KCNQ3: variants seen among roughly 807,000 people sequenced by gnomAD.
KCNQ3 encodes the protein potassium voltage-gated channel subfamily KQT member 3.
KCNQ3 carries 30 observed loss-of-function variants against 92.5 expected under a neutral mutation model. The observed-to-expected ratio is 0.32, with a 90% CI of 0.24 to 0.44. The LOEUF (loss-of-function observed/expected upper bound fraction) is 0.44. Among genes scored for constraint, KCNQ3 ranks in the 20% least tolerant of loss-of-function variants. KCNQ3 has a pLI of 1.00. For synonymous variants in KCNQ3, 450 were observed against 468.8 expected (o/e 0.96, Z 0.52); for missense variants, 913 against 1,140.3 (o/e 0.80, Z 2.87).
At chr8:132,295,834 G>A (rs539607020) in intron 1 of KCNQ3, among the ~76,000 whole-genome samples, 3 of 152,252 alleles carry the variant, frequency 2.0e-5, no homozygotes, top group African/African-American at 7.2e-5. Flanking sequence ...GCTGAACAGT[G>A]AGAACACATG....
At chr8:132,462,121 C>T (rs1251974868) in intron 1 of KCNQ3, among the ~76,000 whole-genome samples, 1 of 152,134 alleles carries the variant, frequency 6.6e-6, no homozygotes, top group Non-Finnish European at 1.5e-5. Context: ...TAAAAATCAA[C>T]GAGTTATTAC....
chr8:132,191,400 C>G (rs2130217435), intron 1 of KCNQ3, among the ~76,000 whole-genome samples: 1 of 152,038 alleles, frequency 6.6e-6, no homozygotes, highest in South Asian at 2.1e-4. Context: ...TCAAAAGATC[C>G]TCCTTCTTTA....
At chr8:132,158,543 C>T (rs1232967381) in intron 9 of KCNQ3, among the ~76,000 whole-genome samples, 1 of 152,144 alleles carries the variant, frequency 6.6e-6, no homozygotes, top group Non-Finnish European at 1.5e-5. Flanking sequence ...GGGACACCTG[C>T]TGTGACTGAC....
At chr8:132,395,307 T>A (rs1368172885) in intron 1 of KCNQ3, among the ~76,000 whole-genome samples, 1 of 152,216 alleles carries the variant, frequency 6.6e-6, no homozygotes, top group Admixed American at 6.5e-5. Context: ...TGAAATTACA[T>A]CATATTGTTA....
At chr8:132,260,525 A>G (rs1208250869) in intron 1 of KCNQ3, among the ~76,000 whole-genome samples, 5 of 152,198 alleles carry the variant, frequency 3.3e-5, no homozygotes, top group African/African-American at 7.2e-5. Context: ...GTAGAGAACA[A>G]TTAGGCTAGA....
In KCNQ3 at chr8:132,465,577, A is replaced by T. The variant is rs80127769; in HGVS notation, c.386+14570T>A. On this transcript the variant is annotated intron_variant, in intron 1 of 14. Coordinates refer to ENST00000388996, the MANE Select transcript of KCNQ3 (RefSeq NM_004519.4). ...ACTCCATCTCTACTAAAAATACAAA[A>T]AATAATAATAATAATAATTAGCCAG... Among the ~76,000 whole-genome samples the T allele has an allele frequency of 8.9e-3, 1,358 of 151,978 alleles. 10 individuals are homozygous for T. The highest frequency in any genetic ancestry group is 0.015 in the Admixed American group (222 of 15,268).
At chr8:132,251,255 A>G in intron 1 of KCNQ3, among the ~76,000 whole-genome samples, 1 of 152,086 alleles carries the variant, frequency 6.6e-6, no homozygotes, top group East Asian at 1.9e-4. Flanking sequence ...TGACAGAGTG[A>G]GACTCTGAAG....
chr8:132,463,860 C>G (rs1210203430), intron 1 of KCNQ3, among the ~76,000 whole-genome samples: 2 of 152,092 alleles, frequency 1.3e-5, no homozygotes, highest in Admixed American at 1.3e-4. Flanking sequence ...ACGCCCAGGC[C>G]GGAGTGCAAT....
At chr8:132,405,522 G>A (rs1013739318) in intron 1 of KCNQ3, among the ~76,000 whole-genome samples, 3 of 152,146 alleles carry the variant, frequency 2.0e-5, no homozygotes, top group African/African-American at 7.2e-5. Flanking sequence ...CTGGGTTGAC[G>A]GGTGAGTACT....
At chr8:132,188,661 T>C (rs1207253139) in intron 1 of KCNQ3, among the ~76,000 whole-genome samples, 1 of 152,226 alleles carries the variant, frequency 6.6e-6, no homozygotes. Flanking sequence ...GGTGCCTCTT[T>C]TGTCCCAGAC....
chr8:132,150,034 C>G (rs1359729782), intron 9 of KCNQ3, among the ~76,000 whole-genome samples: 2 of 151,790 alleles, frequency 1.3e-5, no homozygotes. Context: ...ATTTAACCTC[C>G]TTTTCTCTAC....
intron 1 of KCNQ3, among the ~76,000 whole-genome samples, chr8:132,350,341 G>A (rs1206223352): frequency 1.3e-5 from 2 of 152,106 alleles, no homozygotes; most frequent in Non-Finnish European, 2.9e-5. Context: ...GCTCTAACTC[G>A]CCCTAGCTGG....
intron 1 of KCNQ3, among the ~76,000 whole-genome samples, chr8:132,346,706 A>T (rs955363968): frequency 1.3e-5 from 2 of 152,216 alleles, no homozygotes; most frequent in African/African-American, 4.8e-5. Flanking sequence ...GCTGGAAGGT[A>T]AACTGGTACC....
intron 1 of KCNQ3, among the ~76,000 whole-genome samples, chr8:132,448,557 A>C: frequency 6.6e-6 from 1 of 152,066 alleles, no homozygotes; most frequent in East Asian, 1.9e-4. Flanking sequence ...AAAAAGTAAA[A>C]AGGAGGAGGA....
At chr8:132,309,132 C>G (rs888494132) in intron 1 of KCNQ3, among the ~76,000 whole-genome samples, 1 of 152,112 alleles carries the variant, frequency 6.6e-6, no homozygotes, top group Non-Finnish European at 1.5e-5. Context: ...GACTTCTGAC[C>G]TGTATCTTTC....
chr8:132,316,378 C>T (rs1047332159), intron 1 of KCNQ3, among the ~76,000 whole-genome samples: 1 of 152,204 alleles, frequency 6.6e-6, no homozygotes, highest in Non-Finnish European at 1.5e-5. Context: ...TCCCTAAAGC[C>T]AGATAGACCC....
At chr8:132,414,480 A>G (rs1214349820) in intron 1 of KCNQ3, among the ~76,000 whole-genome samples, 1 of 152,244 alleles carries the variant, frequency 6.6e-6, no homozygotes, top group Non-Finnish European at 1.5e-5. Flanking sequence ...TCCAGCAGCT[A>G]TTCTACCAGA....
At chr8:132,384,212 T>G (rs1244371022) in intron 1 of KCNQ3, among the ~76,000 whole-genome samples, 4 of 152,182 alleles carry the variant, frequency 2.6e-5, no homozygotes, top group African/African-American at 4.8e-5. Context: ...TTCTTATCTG[T>G]TCCCTTGTCC....
chr8:132,161,109 T>C (rs1825970549), intron 9 of KCNQ3, among the ~76,000 whole-genome samples: 1 of 152,168 alleles, frequency 6.6e-6, no homozygotes, highest in Admixed American at 6.5e-5. Flanking sequence ...AATCAAAACA[T>C]TCAAGACAGC....
Sources: gnomAD v4.1 joint callset for allele counts (sites outside exome capture counted in the v4.1 genomes callset) on GRCh38, gnomAD v4.1.1 for gene constraint, MANE v1.5 for transcripts, NCBI Gene and HGNC (gene_info 2026-07-23, HGNC 2026-07-21) for gene names.